The following DNM3 variants were observed in gnomAD, a reference collection of about 807,000 sequenced individuals.
DNM3 encodes the protein dynamin-3.
DNM3 carries 47 observed loss-of-function variants against 101.6 expected under a neutral mutation model. The ratio of observed to expected loss-of-function variants is 0.46; its 90% CI spans 0.37 to 0.59. DNM3 has a LOEUF of 0.59. Ranked by LOEUF, DNM3 falls within the 20% of genes least tolerant of loss-of-function variation. The pLI is 0.00. For missense variants in DNM3, 849 were observed against 1,085.7 expected (o/e 0.78, Z 3.06); for synonymous variants, 385 against 387.9 (o/e 0.99, Z 0.09).
rs139673164 is a variant in DNM3 at position 172,126,578 on chromosome 1, T to TACA, written c.1546-4596_1546-4594dup. On this transcript the variant is annotated intron_variant, in intron 13 of 20. Transcript: ENST00000627582. The stretch of plus-strand genomic sequence containing the variant: ...ATGTTTAATAAATATCCTTTTCAGC[T>TACA]ACATTAAATGCTTCTAGAAATAGTG... Among the ~76,000 whole-genome samples, 601 of 152,318 alleles carry TACA rather than the reference T, an allele frequency of 3.9e-3. 5 individuals carry two copies. Among genetic ancestry groups the TACA allele is most frequent in the African/African-American group, 0.013 (527 of 41,580 alleles).
At chr1:172,077,200 C>A (rs971613607) in intron 11 of DNM3, among the ~76,000 whole-genome samples, 6 of 151,680 alleles carry the variant, frequency 4.0e-5, no homozygotes, top group Admixed American at 3.9e-4. Context: ...TTTGATTCTT[C>A]TCTCTTTTCT....
At chr1:172,203,247 A>G (rs1317267405) in intron 14 of DNM3, among the ~76,000 whole-genome samples, 2 of 152,138 alleles carry the variant, frequency 1.3e-5, no homozygotes, top group African/African-American at 4.8e-5. Context: ...CTGAGCCACA[A>G]GCTGCTCTTT....
chr1:172,253,763 T>C (rs1281964728), intron 15 of DNM3, 81 bp downstream of exon 15: 13 of 911,610 alleles, frequency 1.4e-5, no homozygotes, highest in East Asian at 2.9e-5. Flanking sequence ...TTGAAAATAG[T>C]TCCTTTGGTC....
chr1:172,079,157 G>A (rs1329633960), intron 11 of DNM3, among the ~76,000 whole-genome samples: 2 of 152,128 alleles, frequency 1.3e-5, no homozygotes, highest in Non-Finnish European at 2.9e-5. Context: ...GAATTTGAAT[G>A]TTGGCCTGTC....
At chr1:171,910,015 T>G (rs2039163391) in intron 1 of DNM3, among the ~76,000 whole-genome samples, 2 of 152,242 alleles carry the variant, frequency 1.3e-5, no homozygotes, top group Admixed American at 1.3e-4. Flanking sequence ...GAATGTGTGT[T>G]GATTCTTTTG....
intron 6 of DNM3, 40 bp downstream of exon 6, chr1:172,033,305 T>A: frequency 6.5e-7 from 1 of 1,532,076 alleles, no homozygotes; most frequent in Non-Finnish European, 8.8e-7. Flanking sequence ...AATTATGAAA[T>A]ATGTAAGTAG....
chr1:171,901,133 AAAG>A lies in DNM3; in HGVS notation c.162-20612_162-20610del, dbSNP rs2038307317. Among the ~76,000 whole-genome samples the A allele has an allele frequency of 8.4e-5, 9 of 107,764 alleles. No individual in the cohort carries two copies. The South Asian group carries it at 2.7e-3, about 32-fold the overall frequency. 70.7% of individuals were successfully genotyped at this position (107,764 alleles called of 152,430 possible). ...GTCTCAAAAAAAAAAAAAAAAAAAG[AAAG>A]AAATCTATGAAGTTCAGCACCTAGG... On this transcript the variant is annotated intron_variant, in intron 1 of 20. Coordinates refer to ENST00000627582, the MANE Select transcript of DNM3 (RefSeq NM_015569.5).
At chr1:172,080,251 C>T (rs560099524) in intron 11 of DNM3, among the ~76,000 whole-genome samples, 4 of 152,258 alleles carry the variant, frequency 2.6e-5, no homozygotes, top group African/African-American at 9.6e-5. Flanking sequence ...GTGCTCTGTC[C>T]CAGGAAGATG....
intron 4 of DNM3, among the ~76,000 whole-genome samples, chr1:171,995,213 C>T (rs1169068096): frequency 1.4e-5 from 2 of 141,356 alleles, no homozygotes; most frequent in Non-Finnish European, 3.0e-5. Context: ...TCAAGTGATT[C>T]TCCTGCCTCA....
intron 4 of DNM3, among the ~76,000 whole-genome samples, chr1:171,998,737 T>C (rs931778888): frequency 6.6e-6 from 1 of 152,064 alleles, no homozygotes; most frequent in Non-Finnish European, 1.5e-5. Flanking sequence ...AGAGATTGAT[T>C]GGGAATGCTG....
intron 15 of DNM3, among the ~76,000 whole-genome samples, chr1:172,302,177 C>T (rs1368791403): frequency 6.6e-6 from 1 of 152,216 alleles, no homozygotes; most frequent in Non-Finnish European, 1.5e-5. Context: ...AAATACTGTG[C>T]TTTTCCAATG....
intron 20 of DNM3, among the ~76,000 whole-genome samples, chr1:172,404,985 A>G (rs1384791375): frequency 6.6e-6 from 1 of 152,086 alleles, no homozygotes; most frequent in African/African-American, 2.4e-5. Context: ...TGATTGTACA[A>G]TTTGGCAACT....
chr1:171,977,122 T>C (rs969275316), intron 2 of DNM3, among the ~76,000 whole-genome samples: 3 of 152,250 alleles, frequency 2.0e-5, no homozygotes, highest in African/African-American at 4.8e-5. Flanking sequence ...TTAAAAAACA[T>C]TGGAATAACT....
intron 17 of DNM3, among the ~76,000 whole-genome samples, chr1:172,337,164 T>C (rs925452064): frequency 6.6e-6 from 1 of 152,216 alleles, no homozygotes; most frequent in African/African-American, 2.4e-5. Flanking sequence ...CCAAGGACTT[T>C]ACTATTTAAT....
chr1:172,071,117 A>ATATCTATATATC (rs1553362094), intron 11 of DNM3, among the ~76,000 whole-genome samples: 1 of 131,694 alleles, frequency 7.6e-6, no homozygotes, highest in Non-Finnish European at 1.6e-5. Flanking sequence ...ATATATATAT[A>ATATCTATATATC]TATCTTAGTT....
intron 14 of DNM3, among the ~76,000 whole-genome samples, chr1:172,172,152 A>G (rs1427378616): frequency 3.3e-5 from 5 of 151,664 alleles, no homozygotes; most frequent in Non-Finnish European, 7.4e-5. Flanking sequence ...CCATCTTCTC[A>G]GTAAGTAGTT....
chr1:171,856,168 G>T (rs1056121500), intron 1 of DNM3, among the ~76,000 whole-genome samples: 1 of 152,160 alleles, frequency 6.6e-6, no homozygotes, highest in African/African-American at 2.4e-5. Flanking sequence ...TTGAAGATCA[G>T]ATAGTCGTAG....
At chr1:171,881,280 A>G (rs2036246802) in intron 1 of DNM3, among the ~76,000 whole-genome samples, 1 of 152,202 alleles carries the variant, frequency 6.6e-6, no homozygotes, top group African/African-American at 2.4e-5. Flanking sequence ...TTTAGGACAT[A>G]GTTAAAATTC....
chr1:172,264,063 C>G (rs2062767849), intron 15 of DNM3, among the ~76,000 whole-genome samples: 1 of 152,124 alleles, frequency 6.6e-6, no homozygotes, highest in Non-Finnish European at 1.5e-5. Context: ...TAGTATTTAG[C>G]CACAGCAAAA....
Sources: gnomAD v4.1 joint callset for allele counts (sites outside exome capture counted in the v4.1 genomes callset) on GRCh38, gnomAD v4.1.1 for gene constraint, MANE v1.5 for transcripts, NCBI Gene and HGNC (gene_info 2026-07-23, HGNC 2026-07-21) for gene names.